Variants in RYR2 observed in about 807,000 individuals in gnomAD.
The protein encoded by RYR2 is cardiac muscle ryanodine receptor-calcium release channel.
RYR2 carries 227 observed loss-of-function variants against 601.1 expected under a neutral mutation model. The ratio of observed to expected loss-of-function variants is 0.38; its 90% CI spans 0.34 to 0.42. The LOEUF (loss-of-function observed/expected upper bound fraction) is 0.42. RYR2 is among the 10% of genes least tolerant of loss of function. RYR2 has a pLI of 1.00. For synonymous variants in RYR2, 2,223 were observed against 2,175.1 expected, an observed-to-expected ratio of 1.02 and a Z score of -0.61; for missense variants, 4,646 against 6,156.5, an observed-to-expected ratio of 0.75 and a Z score of 8.21.
chr1:237,461,130 G>A (rs1191740258), intron 16 of RYR2, among the ~76,000 whole-genome samples: 1 of 152,054 alleles, frequency 6.6e-6, no homozygotes, highest in East Asian at 1.9e-4. Flanking sequence ...TTTCCTCATC[G>A]GAAAATGGCA....
chr1:237,210,209 T>C (rs1262151060), intron 1 of RYR2, among the ~76,000 whole-genome samples: 1 of 145,872 alleles, frequency 6.9e-6, no homozygotes, highest in Non-Finnish European at 1.5e-5. Context: ...TTTATATCAA[T>C]AAACTCTTTT....
Position 237,558,095 on chromosome 1 carries a change from G to A in RYR2, c.3214+7404G>A, listed in dbSNP as rs183818923. 2.6e-4 allele frequency among the ~76,000 whole-genome samples: 39 copies of A among 152,318 alleles called. 1 individual carries two copies. The East Asian group carries it at 7.1e-3, about 28-fold the overall frequency. On this transcript the variant is annotated intron_variant, in intron 27 of 104. Coordinates refer to ENST00000366574, the MANE Select transcript of RYR2 (RefSeq NM_001035.3). The stretch of plus-strand genomic sequence containing the variant: ...GAGCTTGATGAGCTGTGGTCTCTGA[G>A]AAGGTTGAAGGGAATGAAATTCAGA...
At chr1:237,301,171 C>T (rs749957888) in intron 2 of RYR2, among the ~76,000 whole-genome samples, 4 of 151,946 alleles carry the variant, frequency 2.6e-5, no homozygotes, top group Non-Finnish European at 5.9e-5. Flanking sequence ...CTTTAAAAAC[C>T]ACAATCTCAT....
chr1:237,152,485 T>C (rs1484957921), intron 1 of RYR2, among the ~76,000 whole-genome samples: 1 of 152,208 alleles, frequency 6.6e-6, no homozygotes, highest in Non-Finnish European at 1.5e-5. Flanking sequence ...GTAAAAGTGC[T>C]CTTATTTCTT....
At chr1:237,306,944 T>A (rs1693935352) in intron 2 of RYR2, among the ~76,000 whole-genome samples, 1 of 152,196 alleles carries the variant, frequency 6.6e-6, no homozygotes, top group Non-Finnish European at 1.5e-5. Context: ...TACAATTTAA[T>A]TAGTAGAAAG....
At position 237,388,124 on chromosome 1, in the gene RYR2, T is replaced by C. The variant is rs376541511; in HGVS notation, c.714T>C (p.His238=). Residue 238 remains histidine, a synonymous_variant, in exon 10 of 105, where the codon CAT becomes CAC. Transcript: ENST00000366574. ...GTGGTGATGTCCTCAGGTTGCTGCA[T>C]GGACACATGGACGAGTGTCTCACTG... is the stretch of plus-strand genomic sequence containing the variant. ...LIGGDVLRLL[H]GHMDECLTVP... 1.9e-6 allele frequency: 3 copies of C among 1,613,970 alleles called. No homozygotes were observed. Among genetic ancestry groups the C allele is most frequent in the Middle Eastern group, 1.7e-4 (1 of 6,014 alleles).
At chr1:237,327,243 C>T (rs1462717127) in intron 2 of RYR2, among the ~76,000 whole-genome samples, 1 of 151,848 alleles carries the variant, frequency 6.6e-6, no homozygotes, top group African/African-American at 2.4e-5. Context: ...GAAGATGACT[C>T]AGAACAAAAT....
intron 1 of RYR2, among the ~76,000 whole-genome samples, chr1:237,127,460 G>A (rs1269362665): frequency 6.6e-6 from 1 of 150,668 alleles, no homozygotes; most frequent in Non-Finnish European, 1.5e-5. Context: ...GGCCGGGCAG[G>A]GGGCTGACCC....
In RYR2 at chr1:237,785,957, G is replaced by T; in HGVS notation, c.13261-12G>T. On this transcript the variant is annotated splice_polypyrimidine_tract_variant and intron_variant, in intron 90 of 104. Transcript: ENST00000366574. ...TAATCCTGGTTTTCTTTTCCCCATT[G>T]ACTCATTCAAGGAACAGAAGGCAAA... The T allele has an allele frequency of 1.3e-6, 2 of 1,577,972 alleles. No homozygotes were observed. Among genetic ancestry groups the T allele is most frequent in the South Asian group, 2.3e-5 (2 of 86,870 alleles).
At chr1:237,307,811 G>C (rs1365422086) in intron 2 of RYR2, among the ~76,000 whole-genome samples, 1 of 152,198 alleles carries the variant, frequency 6.6e-6, no homozygotes, top group Non-Finnish European at 1.5e-5. Context: ...TTTCAAGTAT[G>C]AGCCTTCGGT....
intron 1 of RYR2, among the ~76,000 whole-genome samples, chr1:237,047,196 T>C (rs1468656282): frequency 9.8e-5 from 15 of 152,314 alleles, no homozygotes; most frequent in African/African-American, 1.2e-4. Flanking sequence ...CATCATTCTT[T>C]ATAGAGTAGA....
intron 100 of RYR2, among the ~76,000 whole-genome samples, chr1:237,812,469 G>A (rs145125670): frequency 3.9e-5 from 6 of 152,204 alleles, no homozygotes; most frequent in East Asian, 1.9e-4. Context: ...TATTCCTATC[G>A]CATACAGAAC....
chr1:237,108,770 G>A (rs540167214), intron 1 of RYR2, among the ~76,000 whole-genome samples: 1 of 152,328 alleles, frequency 6.6e-6, no homozygotes, highest in East Asian at 1.9e-4. Context: ...AGTCTGGGAA[G>A]TGGGTCTTAG....
At chr1:237,103,937 G>A (rs959378520) in intron 1 of RYR2, among the ~76,000 whole-genome samples, 1 of 152,048 alleles carries the variant, frequency 6.6e-6, no homozygotes, top group East Asian at 1.9e-4. Context: ...TTGCAACCGA[G>A]AATTCTGTCT....
At chr1:237,274,330 A>T (rs1690041567) in intron 2 of RYR2, among the ~76,000 whole-genome samples, 1 of 151,366 alleles carries the variant, frequency 6.6e-6, no homozygotes, top group Admixed American at 6.6e-5. Context: ...TTGCCTAGTG[A>T]TGTCTGGATG....
chr1:237,406,739 T>C (rs910815796), intron 10 of RYR2, among the ~76,000 whole-genome samples: 1 of 152,316 alleles, frequency 6.6e-6, no homozygotes, highest in East Asian at 1.9e-4. Flanking sequence ...TATACACTTT[T>C]AGGTTTACAG....
intron 11 of RYR2, among the ~76,000 whole-genome samples, chr1:237,417,363 TTTTG>T (rs1475445404): frequency 6.6e-6 from 1 of 152,224 alleles, no homozygotes; most frequent in African/African-American, 2.4e-5. Context: ...TACAGTCTGC[TTTTG>T]TCTTTAGCCT....
chr1:237,237,632 A>G (rs986486525), intron 1 of RYR2, among the ~76,000 whole-genome samples: 1 of 152,194 alleles, frequency 6.6e-6, no homozygotes, highest in Non-Finnish European at 1.5e-5. Flanking sequence ...CCCTGAAAGA[A>G]ATTGAAGCAT....
At position 237,770,828 on chromosome 1, in the gene RYR2, A is replaced by G. The variant is rs1172592826; in HGVS notation, c.11498A>G (p.Asp3833Gly). Residue 3833 changes from aspartate to glycine, a missense_variant, in exon 85 of 105, where the codon GAT (aspartate) becomes GGT (glycine). Physicochemically the swap from Asp to Gly is moderately conservative, Grantham distance 94 (BLOSUM62 -1). This residue lies in a region of RYR2 where 1,497 missense variants were observed against 1,842.6 expected (regional missense o/e 0.81). Coordinates refer to ENST00000366574, the MANE Select transcript of RYR2 (RefSeq NM_001035.3). The part of the protein sequence containing the change: ...EGSGEKVLQD[D>G]EFTCDLFRFL... ...ACAGGAGAAAAGGTTCTGCAGGACGATGAGTTCACCTGTGACCTCTTCCGA... is the reference window on the plus strand; with the variant it reads ...ACAGGAGAAAAGGTTCTGCAGGACGGTGAGTTCACCTGTGACCTCTTCCGA... The G allele has an allele frequency of 1.3e-6, 2 of 1,554,122 alleles. No homozygotes were observed. The highest frequency in any genetic ancestry group is 2.7e-5 in the African/African-American group (2 of 73,348).
Sources: allele counts gnomAD v4.1 joint callset (sites outside exome capture counted in the v4.1 genomes callset), GRCh38; gene constraint gnomAD v4.1.1; regional missense constraint gnomAD v4.1.1; transcripts MANE v1.5; gene names NCBI Gene and HGNC (gene_info 2026-07-23, HGNC 2026-07-21).